The following GRID2 variants were observed in gnomAD, a reference collection of about 807,000 sequenced individuals.
GRID2 encodes the protein glutamate receptor ionotropic, delta-2.
A neutral mutation model predicts 114.8 loss-of-function variants in GRID2; 33 were observed. That is an observed-to-expected ratio of 0.29 (90% CI 0.22 to 0.38). GRID2 has a LOEUF of 0.38. GRID2 is among the 10% of genes least tolerant of loss of function. The pLI, the probability that GRID2 is intolerant of heterozygous loss-of-function variation, is 1.00. For missense variants in GRID2, 1,184 were observed against 1,257.7 expected (o/e 0.94, Z 0.89); for synonymous variants, 505 against 449.9 (o/e 1.12, Z -1.55).
At position 92,537,986 on chromosome 4, in the gene GRID2, T is replaced by C. The variant is rs181613703; in HGVS notation, c.89-52145T>C. 3.2e-4 allele frequency among the ~76,000 whole-genome samples: 49 copies of C among 152,286 alleles called. No individual in the cohort carries two copies. In the East Asian group the frequency reaches 9.5e-3, roughly 29 times the overall value. On this transcript the variant is annotated intron_variant, in intron 1 of 15. Coordinates refer to ENST00000282020, the MANE Select transcript of GRID2 (RefSeq NM_001510.4). ...TTCTGTCCAATCTTCATGTTGCCATTTCCCTATTTCTTCTGGTTCTTTTCT... is the reference window on the plus strand; with the variant it reads ...TTCTGTCCAATCTTCATGTTGCCATCTCCCTATTTCTTCTGGTTCTTTTCT...
At chr4:93,564,318 T>C (rs1046303840) in intron 13 of GRID2, among the ~76,000 whole-genome samples, 1 of 151,998 alleles carries the variant, frequency 6.6e-6, no homozygotes, top group Non-Finnish European at 1.5e-5. Flanking sequence ...TATTTATTTA[T>C]TTTGTTTCAT....
chr4:93,353,739 GA>G (rs1761030109), intron 8 of GRID2, among the ~76,000 whole-genome samples: 2 of 151,982 alleles, frequency 1.3e-5, no homozygotes, highest in Admixed American at 1.3e-4. Context: ...CGTAATACAA[GA>G]AAGATAATAA....
chr4:92,945,487 G>A (rs866235267), intron 2 of GRID2, among the ~76,000 whole-genome samples: 1 of 152,020 alleles, frequency 6.6e-6, no homozygotes, highest in Non-Finnish European at 1.5e-5. Flanking sequence ...ACTATTCATT[G>A]AGATACCAAG....
chr4:93,414,582 A>G (rs1368854316), intron 9 of GRID2, among the ~76,000 whole-genome samples: 1 of 152,014 alleles, frequency 6.6e-6, no homozygotes, highest in African/African-American at 2.4e-5. Flanking sequence ...CTGTTTCTAC[A>G]GAGGTGCTTT....
intron 14 of GRID2, among the ~76,000 whole-genome samples, chr4:93,713,512 A>C (rs916836818): frequency 1.3e-5 from 2 of 152,028 alleles, no homozygotes; most frequent in African/African-American, 4.8e-5. Context: ...TTCTAAGTGG[A>C]GAAGATACAA....
chr4:93,154,465 C>G (rs1347556547), intron 4 of GRID2, among the ~76,000 whole-genome samples: 1 of 151,972 alleles, frequency 6.6e-6, no homozygotes. Flanking sequence ...TGCTGTCACA[C>G]TAGTGGTTAA....
chr4:93,534,936 T>C (rs1445825693), intron 13 of GRID2, among the ~76,000 whole-genome samples: 1 of 151,542 alleles, frequency 6.6e-6, no homozygotes, highest in Non-Finnish European at 1.5e-5. Flanking sequence ...ATAGTCACCA[T>C]GCTGTACATC....
intron 2 of GRID2, among the ~76,000 whole-genome samples, chr4:93,031,688 C>T (rs1724454116): frequency 6.6e-6 from 1 of 151,898 alleles, no homozygotes; most frequent in African/African-American, 2.4e-5. Flanking sequence ...GTCCTTTGCT[C>T]TTCTGCCAAG....
At chr4:92,916,576 A>T (rs968246574) in intron 2 of GRID2, among the ~76,000 whole-genome samples, 1 of 151,270 alleles carries the variant, frequency 6.6e-6, no homozygotes, top group Non-Finnish European at 1.5e-5. Context: ...TGTTCTCATT[A>T]TTCAATTCCC....
intron 4 of GRID2, among the ~76,000 whole-genome samples, chr4:93,203,010 T>C (rs1742280325): frequency 1.3e-5 from 2 of 152,144 alleles, no homozygotes; most frequent in South Asian, 4.1e-4. Flanking sequence ...ACACTACTCA[T>C]TTAAGTGAGA....
At chr4:93,613,044 C>T (rs867561077) in intron 13 of GRID2, among the ~76,000 whole-genome samples, 2,348 of 118,112 alleles carry the variant, frequency 0.02, 10 homozygotes, top group African/African-American at 0.045. Flanking sequence ...CTTCCCTTCT[C>T]GCTTCATTTC....
chr4:93,048,140 C>T (rs1169200077), intron 2 of GRID2, among the ~76,000 whole-genome samples: 2 of 151,996 alleles, frequency 1.3e-5, no homozygotes, highest in South Asian at 2.1e-4. Context: ...CCCCTGTTGT[C>T]ATTTTTAGTA....
At chr4:92,939,326 C>T (rs1297833058) in intron 2 of GRID2, among the ~76,000 whole-genome samples, 2 of 147,702 alleles carry the variant, frequency 1.4e-5, no homozygotes, top group East Asian at 2.1e-4. Context: ...CGATGATGAA[C>T]ATTTTTTCAT....
At chr4:93,756,034 A>C (rs988154455) in intron 14 of GRID2, among the ~76,000 whole-genome samples, 3 of 152,230 alleles carry the variant, frequency 2.0e-5, no homozygotes, top group African/African-American at 4.8e-5. Flanking sequence ...TGTGTGGTAA[A>C]AAGTGAAACA....
intron 1 of GRID2, among the ~76,000 whole-genome samples, chr4:92,569,396 G>A (rs190706314): frequency 7.9e-5 from 12 of 151,948 alleles, no homozygotes; most frequent in South Asian, 6.2e-4. Context: ...GGTTGATTCC[G>A]TGTCTTTGTT....
intron 2 of GRID2, among the ~76,000 whole-genome samples, chr4:92,891,565 T>G (rs1266454699): frequency 6.6e-6 from 1 of 151,892 alleles, no homozygotes; most frequent in East Asian, 1.9e-4. Context: ...TGAGCAGCAT[T>G]TTTTTTTAAG....
chr4:93,802,089 T>C (rs992010207), intron 1 of GRID2, among the ~76,000 whole-genome samples: 3 of 152,242 alleles, frequency 2.0e-5, no homozygotes, highest in East Asian at 1.9e-4. Context: ...CCTGTATGCT[T>C]ATGTTTCCGA....
chr4:93,044,300 G>A (rs905815442), intron 2 of GRID2, among the ~76,000 whole-genome samples: 1 of 151,886 alleles, frequency 6.6e-6, no homozygotes, highest in African/African-American at 2.4e-5. Flanking sequence ...AAGATATTTA[G>A]CAATTTATAT....
intron 2 of GRID2, among the ~76,000 whole-genome samples, chr4:92,936,949 T>C (rs972438256): frequency 2.7e-5 from 4 of 146,800 alleles, no homozygotes; most frequent in Non-Finnish European, 6.0e-5. Context: ...GTTGAGCATC[T>C]TTTCATGTGC....
Sources: allele counts gnomAD v4.1 joint callset (sites outside exome capture counted in the v4.1 genomes callset), GRCh38; gene constraint gnomAD v4.1.1; transcripts MANE v1.5; gene names NCBI Gene and HGNC (gene_info 2026-07-23, HGNC 2026-07-21).